The following MYL3 variants were observed in gnomAD, a reference collection of about 807,000 sequenced individuals.
The protein encoded by MYL3 is myosin light chain 3, also known as CMLC1.
In MYL3, 11 loss-of-function variants were observed where a neutral mutation model predicts 21.3. The ratio of observed to expected loss-of-function variants is 0.52; its 90% CI spans 0.32 to 0.85. MYL3 has a LOEUF of 0.85. Ranked by LOEUF, MYL3 falls within the 40% of genes least tolerant of loss-of-function variation. The pLI is 0.03. For synonymous variants in MYL3, 88 were observed against 91.6 expected (o/e 0.96, Z 0.22); for missense variants, 206 against 253.3 (o/e 0.81, Z 1.27).
At chr3:46,858,855 C>T (rs915308320) in intron 4 of MYL3, among the ~76,000 whole-genome samples, 21 of 152,136 alleles carry the variant, frequency 1.4e-4, no homozygotes, top group African/African-American at 4.8e-4. Flanking sequence ...CTGGTATTCT[C>T]CTGCCTCCGT....
rs2106939966 is a variant in MYL3 at position 46,879,667 on chromosome 3, A to G, written c.-218+2407T>C. 6.6e-6 allele frequency among the ~76,000 whole-genome samples: 1 copy of G among 152,274 alleles called. No homozygotes were observed. ...GAGGCTGAGGTGAGAGGATTGCTTG[A>G]GCCCAGGAGGTCAAGGCTGCTGTGA... is the stretch of plus-strand genomic sequence containing the variant. On this transcript the variant is annotated intron_variant, in intron 1 of 3. Transcript: ENST00000431168. The surrounding 1 kb of genome is among the most constrained non-coding windows in gnomAD (Gnocchi z 4.7).
In MYL3 at chr3:46,858,396, T is replaced by C; in HGVS notation, c.547A>G (p.Ile183Val). 6.2e-7 allele frequency: 1 copy of C among 1,614,118 alleles called. No homozygotes were observed. Among genetic ancestry groups the C allele is most frequent in the Non-Finnish European group, 8.5e-7 (1 of 1,180,028 alleles). Residue 183 changes from isoleucine to valine, a missense_variant, in exon 5 of 7, where the codon ATC (isoleucine) becomes GTC (valine). Physicochemically the swap from Ile to Val is conservative, Grantham distance 29. Coordinates refer to ENST00000292327, the MANE Select transcript of MYL3 (RefSeq NM_000258.3). ...CTGCTGAGCCCACCTTCATAGTTGATGCAGCCATTGGAGTCCTCTTGCCCA... is the reference window on the plus strand; with the variant it reads ...CTGCTGAGCCCACCTTCATAGTTGACGCAGCCATTGGAGTCCTCTTGCCCA... ...MAGQEDSNGC[I>V]NYEAFVKHIM...
chr3:46,877,255 C>T (rs1234557525), intron 1 of MYL3, among the ~76,000 whole-genome samples: 1 of 152,076 alleles, frequency 6.6e-6, no homozygotes, highest in African/African-American at 2.4e-5. Flanking sequence ...GCAGATCAGG[C>T]TTTCTTGGGC....
rs1701990045 is a variant in MYL3, at chr3:46,861,372, T to C, written c.130-385A>G. On this transcript the variant is annotated intron_variant, in intron 1 of 6. Transcript: ENST00000292327. This position sits in a 1 kb window ranked among gnomAD's most constrained non-coding sequence, Gnocchi z 4.2. ...CAGGCTGGCTTTGCTTGGGGCCTGG[T>C]GGGCAGGACTGTCAGCAAAAGTGAG... Among the ~76,000 whole-genome samples the C allele has an allele frequency of 6.6e-6, 1 of 152,116 alleles. No homozygotes were observed. The highest frequency in any genetic ancestry group is 1.5e-5 in the Non-Finnish European group (1 of 68,014).
At chr3:46,867,679 C>A (rs1226639863), upstream of MYL3, among the ~76,000 whole-genome samples, 1 of 152,262 alleles carries the variant, frequency 6.6e-6, no homozygotes, top group Admixed American at 6.5e-5. Flanking sequence ...CCCGCCCCTC[C>A]TGGCCCACAG....
At position 46,860,941 on chromosome 3, in the gene MYL3, G is replaced by A. The variant is rs903860936; in HGVS notation, c.157+19C>T. The A allele has an allele frequency of 6.2e-7, 1 of 1,614,026 alleles. No individual in the cohort carries two copies. Among genetic ancestry groups the A allele is most frequent in the African/African-American group, 1.3e-5 (1 of 74,970 alleles). On this transcript the variant is annotated intron_variant, in intron 2 of 6. Coordinates refer to ENST00000292327, the MANE Select transcript of MYL3 (RefSeq NM_000258.3). This position sits in a 1 kb window ranked among gnomAD's most constrained non-coding sequence, Gnocchi z 4.6. ...CCCAGCCCAATCCTGCAACCCCTGGGTTCAAGACCCCTGCTCACCTTCAAT... is the reference window on the plus strand; with the variant it reads ...CCCAGCCCAATCCTGCAACCCCTGGATTCAAGACCCCTGCTCACCTTCAAT...
rs772933222 is a variant in MYL3 at position 46,858,279 on chromosome 3, A to T, written c.560-7T>A. On this transcript the variant is annotated splice_polypyrimidine_tract_variant and splice_region_variant and intron_variant, in intron 5 of 6. Transcript: ENST00000292327. ...ATGATGTGCTTCACAAATGCTGGAA[A>T]GAAGAGGAGAGTGAGTGGCAGGAGT... 1 of 1,614,188 alleles carries T rather than the reference A, an allele frequency of 6.2e-7. No individual in the cohort carries two copies. The highest frequency in any genetic ancestry group is 8.5e-7 in the Non-Finnish European group (1 of 1,180,024).
At chr3:46,869,827 G>A (rs1275028509) in intron 1 of MYL3, among the ~76,000 whole-genome samples, 2 of 151,906 alleles carry the variant, frequency 1.3e-5, no homozygotes, top group East Asian at 3.9e-4. Context: ...AATTTAGCAG[G>A]AGAAAAAAAA....
intron 4 of MYL3, among the ~76,000 whole-genome samples, chr3:46,858,698 C>A (rs1701959262): frequency 6.6e-6 from 1 of 152,134 alleles, no homozygotes; most frequent in Non-Finnish European, 1.5e-5. Context: ...GGGAGGGGGT[C>A]CCTCCGCCAG....
rs369850293 is a variant in MYL3, at chr3:46,859,205, G to C, written c.481+270C>G. ...GTAATGACCACCAGGACGGTGGCCT[G>C]GAGTCGTGGGAAGGAGGGGAGCATA... On this transcript the variant is annotated intron_variant, in intron 4 of 6. Coordinates refer to ENST00000292327, the MANE Select transcript of MYL3 (RefSeq NM_000258.3). The surrounding 1 kb of genome is among the most constrained non-coding windows in gnomAD (Gnocchi z 4.1). Among the ~76,000 whole-genome samples the C allele has an allele frequency of 3.5e-4, 53 of 152,190 alleles. 1 individual carries two copies. Among genetic ancestry groups the C allele is most frequent in the African/African-American group, 5.5e-4 (23 of 41,508 alleles).
At chr3:46,871,447 T>C (rs866990792) in intron 1 of MYL3, among the ~76,000 whole-genome samples, 1 of 151,966 alleles carries the variant, frequency 6.6e-6, no homozygotes, top group Admixed American at 6.6e-5. Context: ...CCGGGCCAGA[T>C]AAGGACGGGG....
chr3:46,864,186 A>G (rs1702025163), upstream of MYL3, among the ~76,000 whole-genome samples: 1 of 151,478 alleles, frequency 6.6e-6, no homozygotes, highest in Non-Finnish European at 1.5e-5. The surrounding 1 kb of genome is among the most constrained non-coding windows in gnomAD (Gnocchi z 4.7). Context: ...CTATGTGTCT[A>G]TGTGAGTGTG....
rs944807243 is a variant in MYL3, at chr3:46,874,453, G to C, written c.-218+7621C>G. 2.0e-5 allele frequency among the ~76,000 whole-genome samples: 3 copies of C among 152,122 alleles called. No individual in the cohort carries two copies. The highest frequency in any genetic ancestry group is 7.2e-5 in the African/African-American group (3 of 41,422). On this transcript the variant is annotated intron_variant, in intron 1 of 3. Coordinates refer to the MYL3 transcript ENST00000431168. This position sits in a 1 kb window ranked among gnomAD's most constrained non-coding sequence, Gnocchi z 4.1. ...TCAGGACTAGGGGTTCTCCACTCGA[G>C]GGCTCCCGGCCACAGCCCCCGGCAA...
chr3:46,860,703 G>A lies in MYL3; in HGVS notation c.280C>T (p.Arg94Cys), dbSNP rs730880961. 2.2e-5 allele frequency: 35 copies of A among 1,613,940 alleles called. No homozygotes were observed. Among genetic ancestry groups the A allele is most frequent in the Admixed American group, 6.7e-5 (4 of 60,006 alleles). The change falls in exon 3 of 7, where the codon CGT (arginine) becomes TGT (cysteine). Residue 94 changes from arginine to cysteine, a missense_variant. Transcript: ENST00000292327. The surrounding 1 kb of genome is among the most constrained non-coding windows in gnomAD (Gnocchi z 4.6). ...GQNPTQAEVL[R>C]VLGKPRQEEL... ...TCCTGTCTTGGCTTCCCCAGGACAC[G>A]GAGCACTTCTGCCTGTGTGGGGTTC...
intron 1 of MYL3, among the ~76,000 whole-genome samples, chr3:46,876,777 G>A (rs150429247): frequency 2.2e-4 from 33 of 152,262 alleles, no homozygotes; most frequent in African/African-American, 7.7e-4. Flanking sequence ...CAGCTGCCAC[G>A]TGAATCATTA....
In MYL3 at chr3:46,860,813, G is replaced by C. The variant is rs139794067; in HGVS notation, c.170C>G (p.Ala57Gly). 5.1e-5 allele frequency: 83 copies of C among 1,613,938 alleles called. No individual in the cohort carries two copies. The highest frequency in any genetic ancestry group is 2.0e-4 in the East Asian group (9 of 44,884). The change falls in exon 3 of 7, where the codon GCC becomes GGC. Residue 57 changes from alanine to glycine, a missense_variant. By Grantham distance (60) the Ala-to-Gly change is moderately conservative. Transcript: ENST00000292327. This position sits in a 1 kb window ranked among gnomAD's most constrained non-coding sequence, Gnocchi z 4.6. The stretch of plus-strand genomic sequence containing the variant: ...GGGTGTGCGGTCGAACAGCATGAAG[G>C]CTTCCTTGAACTCTGCCAGGAGAGG... ...TPEQIEEFKE[A>G]FMLFDRTPKC... is the part of the protein sequence containing the mutation.
In MYL3 at chr3:46,858,314, G is replaced by A. The variant is rs1701953757; in HGVS notation, c.560-42C>T. The stretch of plus-strand genomic sequence containing the variant: ...AGTGAGTGGCAGGAGTGCAACATGG[G>A]GAAGCCATGGCTGGGAGCCTGGGTC... On this transcript the variant is annotated intron_variant, in intron 5 of 6. Coordinates refer to ENST00000292327, the MANE Select transcript of MYL3 (RefSeq NM_000258.3). 1.9e-6 allele frequency: 3 copies of A among 1,613,968 alleles called. No homozygotes were observed. In the South Asian group the frequency reaches 3.3e-5, roughly 18 times the overall value.
Position 46,859,716 on chromosome 3 carries a change from A to G in MYL3, c.308-68T>C. On this transcript the variant is annotated intron_variant, in intron 3 of 6. Transcript: ENST00000292327. This position sits in a 1 kb window ranked among gnomAD's most constrained non-coding sequence, Gnocchi z 4.1. ...TGGGCACACCCCTCCCCCATGCCTG[A>G]TAATGAGGAGCTATCCCCACCTCTC... The G allele has an allele frequency of 6.4e-7, 1 of 1,555,078 alleles. No individual in the cohort carries two copies. Among genetic ancestry groups the G allele is most frequent in the East Asian group, 2.2e-5 (1 of 44,594 alleles).
chr3:46,870,356 A>G (rs1702097339), intron 1 of MYL3, among the ~76,000 whole-genome samples: 1 of 152,118 alleles, frequency 6.6e-6, no homozygotes, highest in South Asian at 2.1e-4. Context: ...GAGGACAGGG[A>G]CAACAGTGAT....
Sources: allele counts gnomAD v4.1 joint callset (sites outside exome capture counted in the v4.1 genomes callset), GRCh38; gene constraint gnomAD v4.1.1; non-coding constraint Gnocchi (gnomAD v3.1); transcripts MANE v1.5; gene names NCBI Gene and HGNC (gene_info 2026-07-23, HGNC 2026-07-21).